The following TCF7L1 variants were observed in gnomAD, a reference collection of about 807,000 sequenced individuals.
The protein encoded by TCF7L1 is transcription factor 7-like 1.
TCF7L1 carries 18 observed loss-of-function variants against 63.7 expected under a neutral mutation model. The ratio of observed to expected loss-of-function variants is 0.28; its 90% CI spans 0.20 to 0.42. TCF7L1 has a LOEUF of 0.42. Ranked by LOEUF, TCF7L1 falls within the 10% of genes least tolerant of loss-of-function variation. The pLI, the probability that TCF7L1 is intolerant of heterozygous loss-of-function variation, is 1.00. For synonymous variants in TCF7L1, 355 were observed against 340.9 expected (o/e 1.04, Z -0.46); for missense variants, 654 against 779.3 (o/e 0.84, Z 1.91).
At chr2:85,216,313 G>A (rs941625661) in intron 3 of TCF7L1, among the ~76,000 whole-genome samples, 14 of 152,096 alleles carry the variant, frequency 9.2e-5, no homozygotes, top group Non-Finnish European at 1.5e-4. Flanking sequence ...GGAAATAATA[G>A]TTGGGCTCTG....
intron 3 of TCF7L1, among the ~76,000 whole-genome samples, chr2:85,278,152 A>G (rs1460266143): frequency 6.6e-6 from 1 of 152,196 alleles, no homozygotes; most frequent in Non-Finnish European, 1.5e-5. Context: ...TTCCTGCAGG[A>G]AAGGGGGCTC....
chr2:85,183,694 A>G (rs1353912169), intron 3 of TCF7L1, among the ~76,000 whole-genome samples: 1 of 152,200 alleles, frequency 6.6e-6, no homozygotes, highest in African/African-American at 2.4e-5. Flanking sequence ...ATGTAAGAGA[A>G]CATGACTCCA....
At chr2:85,269,646 T>G (rs1681096608) in intron 3 of TCF7L1, among the ~76,000 whole-genome samples, 2 of 152,232 alleles carry the variant, frequency 1.3e-5, no homozygotes, top group African/African-American at 4.8e-5. Flanking sequence ...TTTAAATACT[T>G]AAATATTTTA....
chr2:85,164,638 A>T (rs1238746525), intron 3 of TCF7L1, among the ~76,000 whole-genome samples: 1 of 152,212 alleles, frequency 6.6e-6, no homozygotes, highest in Non-Finnish European at 1.5e-5. Context: ...ATGGAAAGAA[A>T]TTACATTTTA....
chr2:85,274,267 G>A (rs10201660), intron 3 of TCF7L1, among the ~76,000 whole-genome samples: 39,179 of 151,982 alleles, frequency 0.26, 5,512 homozygotes, highest in East Asian at 0.56. Flanking sequence ...CAGGCCCAGC[G>A]CTCCAGGCTG....
At chr2:85,260,711 T>C (rs1680839525) in intron 3 of TCF7L1, among the ~76,000 whole-genome samples, 2 of 151,576 alleles carry the variant, frequency 1.3e-5, no homozygotes, top group African/African-American at 4.9e-5. Context: ...GTGTGAAAGA[T>C]GTTTCGGTGG....
intron 3 of TCF7L1, among the ~76,000 whole-genome samples, chr2:85,231,158 C>T (rs1007854656): frequency 4.6e-5 from 7 of 152,184 alleles, no homozygotes; most frequent in African/African-American, 1.7e-4. Context: ...CCCAGGAAGC[C>T]AGGCCTGTTG....
chr2:85,162,057 T>TA (rs1246835253), intron 3 of TCF7L1, among the ~76,000 whole-genome samples: 1,642 of 145,036 alleles, frequency 0.011, 39 homozygotes, highest in African/African-American at 0.038. Context: ...AGTTGAGATT[T>TA]AAAAAAAAAA....
intron 3 of TCF7L1, among the ~76,000 whole-genome samples, chr2:85,273,611 G>A (rs908360821): frequency 1.3e-5 from 2 of 152,200 alleles, no homozygotes; most frequent in African/African-American, 4.8e-5. Flanking sequence ...GAACTTAAGT[G>A]TGCATATCTT....
At chr2:85,227,458 A>C (rs1464265596) in intron 3 of TCF7L1, among the ~76,000 whole-genome samples, 1 of 149,780 alleles carries the variant, frequency 6.7e-6, no homozygotes, top group Non-Finnish European at 1.5e-5. Flanking sequence ...TTTTTAACCA[A>C]GTAAGAATAT....
chr2:85,306,589 C>T lies in TCF7L1; in HGVS notation c.1257+30C>T, dbSNP rs1276274036. 4 of 1,588,682 alleles carry T rather than the reference C, an allele frequency of 2.5e-6. No individual in the cohort carries two copies. The highest frequency in any genetic ancestry group is 3.5e-6 in the Non-Finnish European group (4 of 1,157,816). On this transcript the variant is annotated intron_variant, in intron 10 of 11. Coordinates refer to ENST00000282111, the MANE Select transcript of TCF7L1 (RefSeq NM_031283.3). The surrounding 1 kb of genome is among the most constrained non-coding windows in gnomAD (Gnocchi z 4.3). The stretch of plus-strand genomic sequence containing the variant: ...GTGCACACTCTGGGCAGAGGACGCT[C>T]AGACCCCAGGAACAGCCTCTGCAAG...
chr2:85,143,980 C>T (rs1677805826), intron 3 of TCF7L1, among the ~76,000 whole-genome samples: 2 of 152,186 alleles, frequency 1.3e-5, no homozygotes, highest in Admixed American at 6.5e-5. Flanking sequence ...TACCTGCTAA[C>T]ATTTGACCTG....
chr2:85,273,826 C>T lies in TCF7L1; in HGVS notation c.442-9669C>T, dbSNP rs114438474. On this transcript the variant is annotated intron_variant, in intron 3 of 11. Transcript: ENST00000282111. Reference sequence around the variant, plus strand: ...TCTGTGGGGATGGCTATGGGACCAGCCCTACTATGCCGGCGAATGGAGTGG... The same window carrying T: ...TCTGTGGGGATGGCTATGGGACCAGTCCTACTATGCCGGCGAATGGAGTGG... Among the ~76,000 whole-genome samples, 824 of 152,250 alleles carry T rather than the reference C, an allele frequency of 5.4e-3. 10 individuals carry two copies. Among genetic ancestry groups the T allele is most frequent in the African/African-American group, 0.019 (798 of 41,546 alleles).
chr2:85,287,130 A>G (rs1681580147), intron 4 of TCF7L1, among the ~76,000 whole-genome samples: 1 of 151,978 alleles, frequency 6.6e-6, no homozygotes, highest in South Asian at 2.1e-4. Context: ...CTGCCACTCC[A>G]CTGCAGCCCG....
rs1165520774 is a variant in TCF7L1 at position 85,167,779 on chromosome 2, G to A, written c.441+33329G>A. Among the ~76,000 whole-genome samples, 4 of 152,120 alleles carry A rather than the reference G, an allele frequency of 2.6e-5. No individual in the cohort carries two copies. The East Asian group carries it at 5.8e-4, about 22-fold the overall frequency. On this transcript the variant is annotated intron_variant, in intron 3 of 11. Transcript: ENST00000282111. ...CTCGGGAGACTGAGGTGGGAGGATCGCTTGAGCCCAGGAGGTCGAGGCTGC... is the reference window on the plus strand; with the variant it reads ...CTCGGGAGACTGAGGTGGGAGGATCACTTGAGCCCAGGAGGTCGAGGCTGC...
intron 3 of TCF7L1, among the ~76,000 whole-genome samples, chr2:85,145,360 C>T (rs1162300214): frequency 2.6e-5 from 4 of 152,070 alleles, no homozygotes; most frequent in Non-Finnish European, 4.4e-5. Context: ...GAGATGGCAA[C>T]TGTGATTAAG....
At chr2:85,190,846 G>C (rs531072812) in intron 3 of TCF7L1, among the ~76,000 whole-genome samples, 6 of 152,276 alleles carry the variant, frequency 3.9e-5, no homozygotes, top group Non-Finnish European at 8.8e-5. Context: ...GGTAGGAAAG[G>C]TTATTATTCC....
chr2:85,177,243 C>T (rs1409530834), intron 3 of TCF7L1, among the ~76,000 whole-genome samples: 1 of 152,154 alleles, frequency 6.6e-6, no homozygotes, highest in African/African-American at 2.4e-5. Context: ...AGGGCTCCAC[C>T]CTCATGACCT....
In TCF7L1 at chr2:85,133,855, G is replaced by A. The variant is rs377311786; in HGVS notation, c.171G>A (p.Ser57=). 194 of 1,509,570 alleles carry A rather than the reference G, an allele frequency of 1.3e-4. No individual in the cohort carries two copies. The highest frequency in any genetic ancestry group is 5.2e-4 in the Middle Eastern group (3 of 5,816). 93.5% of individuals were successfully genotyped at this position (1,509,570 alleles called of 1,614,324 possible). A position where few individuals can be genotyped will look rare whatever the true frequency, so the allele number is the denominator to read the frequency against. The change falls in exon 1 of 12, where the codon TCG becomes TCA. Residue 57 remains serine, a synonymous_variant. Coordinates refer to ENST00000282111, the MANE Select transcript of TCF7L1 (RefSeq NM_031283.3). This position sits in a 1 kb window ranked among gnomAD's most constrained non-coding sequence, Gnocchi z 4.4. ...AGGAGCCGAGCAGCGATAGCGCCTC[G>A]GCGCAGCGGGACCTAGACGAGGTCA... The part of the protein sequence containing the change: ...EEQEPSSDSA[S]AQRDLDEVKS...
Sources: allele counts gnomAD v4.1 joint callset (sites outside exome capture counted in the v4.1 genomes callset), GRCh38; gene constraint gnomAD v4.1.1; non-coding constraint Gnocchi (gnomAD v3.1); transcripts MANE v1.5; gene names NCBI Gene and HGNC (gene_info 2026-07-23, HGNC 2026-07-21).